Variants in DPY19L2 observed in about 807,000 individuals in gnomAD.
DPY19L2 encodes the protein dpy-19 like 2.
DPY19L2 carries 34 observed loss-of-function variants against 97.9 expected under a neutral mutation model. That is an observed-to-expected ratio of 0.35 (90% CI 0.26 to 0.46). The LOEUF (loss-of-function observed/expected upper bound fraction) is 0.46. DPY19L2 is among the 20% of genes least tolerant of loss of function. The probability of loss-of-function intolerance (pLI) is 1.00; values close to 1 mark genes in which losing one functional copy is unlikely to be tolerated. For synonymous variants in DPY19L2, 230 were observed against 307.9 expected (o/e 0.75, Z 2.65); for missense variants, 623 against 911.4 (o/e 0.68, Z 4.07).
At chr12:63,655,694 G>A (rs564657545) in intron 4 of DPY19L2, among the ~76,000 whole-genome samples, 1 of 151,376 alleles carries the variant, frequency 6.6e-6, no homozygotes, top group Admixed American at 6.6e-5. Flanking sequence ...CTTTCCCCCA[G>A]CAGTTTAAGA....
At chr12:63,619,046 A>T (rs1478715627) in intron 9 of DPY19L2, among the ~76,000 whole-genome samples, 1 of 152,144 alleles carries the variant, frequency 6.6e-6, no homozygotes, top group Admixed American at 6.5e-5. Context: ...GATCACTCAA[A>T]CACTTCTCTG....
intron 3 of DPY19L2, among the ~76,000 whole-genome samples, chr12:63,661,939 A>G (rs1895729578): frequency 6.6e-6 from 1 of 152,140 alleles, no homozygotes; most frequent in Non-Finnish European, 1.5e-5. Context: ...TAATGACCAT[A>G]AGCATCATGA....
At chr12:63,572,047 C>T (rs1419360293) in intron 19 of DPY19L2, among the ~76,000 whole-genome samples, 2 of 152,174 alleles carry the variant, frequency 1.3e-5, no homozygotes, top group African/African-American at 4.8e-5. Context: ...ACAAAAAGCA[C>T]TTTCATAAGA....
intron 6 of DPY19L2, among the ~76,000 whole-genome samples, chr12:63,639,974 C>T (rs1002244267): frequency 2.6e-5 from 4 of 151,998 alleles, no homozygotes; most frequent in Admixed American, 1.3e-4. Flanking sequence ...ATGATAGACT[C>T]GATTAAGAAA....
chr12:63,639,886 A>G (rs1892403326), intron 6 of DPY19L2, among the ~76,000 whole-genome samples: 5 of 152,312 alleles, frequency 3.3e-5, no homozygotes, highest in Middle Eastern at 6.8e-3. Flanking sequence ...ATGCTGCTAT[A>G]AAGACACATG....
intron 3 of DPY19L2, 66 bp from the exon 4 acceptor site, chr12:63,661,547 T>C: frequency 8.2e-7 from 1 of 1,223,818 alleles, no homozygotes; most frequent in Non-Finnish European, 1.1e-6. Context: ...TTTTTATCAC[T>C]TCTTTAGAAC....
intron 17 of DPY19L2, among the ~76,000 whole-genome samples, chr12:63,583,391 G>A (rs117774639): frequency 0.044 from 6,718 of 152,144 alleles, 199 homozygotes; most frequent in Middle Eastern, 0.085. Context: ...CATACTGAAG[G>A]GCAGGAACAT....
chr12:63,583,892 C>T, intron 16 of DPY19L2, 56 bp from the exon 17 acceptor site: 2 of 1,451,240 alleles, frequency 1.4e-6, no homozygotes, highest in Non-Finnish European at 1.9e-6. Context: ...ACTATGAATA[C>T]ATAAAAATAA....
intron 6 of DPY19L2, among the ~76,000 whole-genome samples, chr12:63,635,594 G>T (rs150745696): frequency 2.0e-5 from 3 of 152,278 alleles, no homozygotes; most frequent in East Asian, 3.9e-4. Flanking sequence ...GACCTTAAAT[G>T]ACCTGATGGA....
At chr12:63,596,367 G>A (rs950290659) in intron 14 of DPY19L2, among the ~76,000 whole-genome samples, 40 of 151,986 alleles carry the variant, frequency 2.6e-4, no homozygotes, top group African/African-American at 8.2e-4. Context: ...TGGGTCCTAC[G>A]TTGTAACTTT....
rs1447529565 is a variant in DPY19L2 at position 63,667,603 on chromosome 12, T to A, written c.337+454A>T. On this transcript the variant is annotated intron_variant, in intron 1 of 21. Coordinates refer to ENST00000324472, the MANE Select transcript of DPY19L2 (RefSeq NM_173812.5). ...ACCAACACTCCCAACTTCTTTTATTTCCACTTTAACATTTCTCCATATAGT... is the reference window on the plus strand; with the variant it reads ...ACCAACACTCCCAACTTCTTTTATTACCACTTTAACATTTCTCCATATAGT... 3.9e-5 allele frequency among the ~76,000 whole-genome samples: 6 copies of A among 152,144 alleles called. No individual in the cohort carries two copies. The East Asian group carries it at 1.2e-3, about 29-fold the overall frequency.
rs77582486 is a variant in DPY19L2 at position 63,661,567 on chromosome 12, G to GAAA, written c.451-89_451-87dup. 2,957 of 647,586 alleles carry GAAA rather than the reference G, an allele frequency of 4.6e-3. 11 individuals carry two copies. Among genetic ancestry groups the GAAA allele is most frequent in the African/African-American group, 0.022 (1,120 of 50,344 alleles). The allele number at this position is 647,586 out of a possible 1,614,324, so 40.1% of individuals were successfully genotyped here. The stretch of plus-strand genomic sequence containing the variant: ...ATCACTTCTTTAGAACTTTTTTTCT[G>GAAA]AAAAAAAAAAAAGGTTAATAATAAG... On this transcript the variant is annotated intron_variant, in intron 3 of 21. Transcript: ENST00000324472.
chr12:63,607,259 G>A (rs756595481), intron 12 of DPY19L2, among the ~76,000 whole-genome samples: 7 of 151,910 alleles, frequency 4.6e-5, no homozygotes, highest in Non-Finnish European at 7.4e-5. Flanking sequence ...TCTATTTATT[G>A]TCATTTTTCA....
Position 63,594,254 on chromosome 12 carries a change from T to A in DPY19L2, c.1534-121A>T. The A allele has an allele frequency of 2.7e-6, 2 of 727,618 alleles. 1 individual carries two copies. The highest frequency in any genetic ancestry group is 3.9e-5 in the South Asian group (2 of 51,778). The allele number at this position is 727,618 out of a possible 1,614,324, so 45.1% of individuals were successfully genotyped here. A position where few individuals can be genotyped will look rare whatever the true frequency, so the allele number is the denominator to read the frequency against. ...AAGTATTTTTTAATGTTTAAGGGAG[T>A]CCTCAGGAACAGGACGGTCATACTA... On this transcript the variant is annotated intron_variant, in intron 15 of 21. Coordinates refer to ENST00000324472, the MANE Select transcript of DPY19L2 (RefSeq NM_173812.5).
chr12:63,560,340 T>G lies in DPY19L2; in HGVS notation c.*172A>C, dbSNP rs1876227129. ...CAAGCTTAATAAGGCTGACATTCAA[T>G]GAACAGAAAAGTAATTTACCTTTTA... On this transcript the variant is annotated 3_prime_UTR_variant, in exon 22 of 22. Coordinates refer to ENST00000324472, the MANE Select transcript of DPY19L2 (RefSeq NM_173812.5). The G allele has an allele frequency of 1.4e-6, 1 of 723,242 alleles. No homozygotes were observed. The highest frequency in any genetic ancestry group is 3.5e-4 in the Middle Eastern group (1 of 2,834). 44.8% of individuals were successfully genotyped at this position (723,242 alleles called of 1,614,324 possible). A position where few individuals can be genotyped will look rare whatever the true frequency, so the allele number is the denominator to read the frequency against.
At chr12:63,595,405 A>C (rs1389960338) in intron 15 of DPY19L2, among the ~76,000 whole-genome samples, 1 of 152,170 alleles carries the variant, frequency 6.6e-6, no homozygotes, top group Non-Finnish European at 1.5e-5. Context: ...TGGTATTTTA[A>C]AGATTATTTT....
intron 6 of DPY19L2, among the ~76,000 whole-genome samples, chr12:63,634,813 C>G (rs1891375976): frequency 6.6e-6 from 1 of 152,164 alleles, no homozygotes; most frequent in South Asian, 2.1e-4. Context: ...CCCACCGCAG[C>G]TCAAGGAGGC....
chr12:63,583,681 C>G, intron 17 of DPY19L2, 131 bp downstream of exon 17: 1 of 741,570 alleles, frequency 1.3e-6, no homozygotes, highest in Non-Finnish European at 2.2e-6. Flanking sequence ...GAAGGATCAG[C>G]AGAAATTTAT....
intron 6 of DPY19L2, among the ~76,000 whole-genome samples, chr12:63,631,657 C>A (rs1227930456): frequency 1.3e-5 from 2 of 152,110 alleles, no homozygotes; most frequent in Admixed American, 1.3e-4. Context: ...TGGTACCATT[C>A]CTTCTGAAAC....
Sources: gnomAD v4.1 joint callset for allele counts (sites outside exome capture counted in the v4.1 genomes callset) on GRCh38, gnomAD v4.1.1 for gene constraint, MANE v1.5 for transcripts, NCBI Gene and HGNC (gene_info 2026-07-23, HGNC 2026-07-21) for gene names.